Variants in GULP1 observed in about 807,000 individuals in gnomAD.
GULP1 encodes the protein PTB domain-containing engulfment adapter protein 1.
Under a neutral mutation model 40.9 loss-of-function variants are expected in GULP1, and 19 were observed. The ratio of observed to expected loss-of-function variants is 0.46; its 90% confidence interval spans 0.32 to 0.68. The LOEUF (loss-of-function observed/expected upper bound fraction) is 0.68. Ranked by LOEUF, GULP1 falls within the 30% of genes least tolerant of loss-of-function variation. The probability of loss-of-function intolerance (pLI) is 0.03; values close to 1 mark genes in which losing one functional copy is unlikely to be tolerated. For synonymous variants in GULP1, 119 were observed against 117.6 expected (o/e 1.01, Z -0.08); for missense variants, 312 against 362.2 (o/e 0.86, Z 1.12).
chr2:188,379,913 A>G (rs2048797133), intron 1 of GULP1, among the ~76,000 whole-genome samples: 1 of 152,126 alleles, frequency 6.6e-6, no homozygotes, highest in African/African-American at 2.4e-5. Context: ...TGTGAACTGA[A>G]GGTTAATGAG....
intron 1 of GULP1, among the ~76,000 whole-genome samples, chr2:188,339,659 G>A (rs1332966949): frequency 6.6e-6 from 1 of 152,142 alleles, no homozygotes; most frequent in Non-Finnish European, 1.5e-5. Context: ...AATTAAACCT[G>A]TTAAACTAAG....
chr2:188,491,970 T>G (rs2062434426), intron 4 of GULP1, among the ~76,000 whole-genome samples: 1 of 152,056 alleles, frequency 6.6e-6, no homozygotes, highest in Non-Finnish European at 1.5e-5. Context: ...TTTTTTTCCT[T>G]TTTGCTAGAA....
intron 4 of GULP1, among the ~76,000 whole-genome samples, chr2:188,519,694 A>T (rs1389595920): frequency 1.3e-5 from 2 of 152,256 alleles, no homozygotes; most frequent in East Asian, 3.8e-4. Flanking sequence ...ACCTGGTGGC[A>T]CATTAATATC....
chr2:188,428,962 T>C (rs1218630438), intron 2 of GULP1, among the ~76,000 whole-genome samples: 2 of 152,062 alleles, frequency 1.3e-5, no homozygotes, highest in Non-Finnish European at 2.9e-5. Flanking sequence ...ACTGCCTAGC[T>C]CTGATGATGA....
intron 2 of GULP1, among the ~76,000 whole-genome samples, chr2:188,435,417 C>T (rs763656596): frequency 1.2e-4 from 18 of 152,030 alleles, no homozygotes; most frequent in Non-Finnish European, 2.5e-4. Context: ...GATGCCGCTA[C>T]CATGAGTGTC....
intron 2 of GULP1, among the ~76,000 whole-genome samples, chr2:188,452,827 A>G (rs1328105808): frequency 6.6e-6 from 1 of 152,216 alleles, no homozygotes; most frequent in Non-Finnish European, 1.5e-5. Context: ...TATTAATACA[A>G]TAATAGGGTA....
At chr2:188,459,737 G>A (rs73040476) in intron 2 of GULP1, among the ~76,000 whole-genome samples, 3,124 of 152,152 alleles carry the variant, frequency 0.021, 98 homozygotes, top group African/African-American at 0.071. Context: ...TGTCCTGGAT[G>A]TTTTCCCTAA....
intron 4 of GULP1, among the ~76,000 whole-genome samples, chr2:188,495,460 C>T (rs1446483942): frequency 6.6e-6 from 1 of 151,936 alleles, no homozygotes; most frequent in Admixed American, 6.6e-5. Context: ...AAAATTAGTC[C>T]CATGTTCTTC....
intron 1 of GULP1, among the ~76,000 whole-genome samples, chr2:188,363,323 T>A (rs1246854559): frequency 1.3e-5 from 2 of 151,426 alleles, no homozygotes; most frequent in Non-Finnish European, 3.0e-5. Context: ...ATGCAATAAT[T>A]TGTAGCCCTT....
chr2:188,552,346 A>G (rs549577226), intron 7 of GULP1, among the ~76,000 whole-genome samples: 2 of 151,900 alleles, frequency 1.3e-5, no homozygotes, highest in South Asian at 2.1e-4. Flanking sequence ...ATTTTTATAT[A>G]TGGTGATAGG....
At chr2:188,571,098 A>G (rs1184090269) in intron 9 of GULP1, among the ~76,000 whole-genome samples, 1 of 152,164 alleles carries the variant, frequency 6.6e-6, no homozygotes, top group Non-Finnish European at 1.5e-5. Flanking sequence ...TCATGGCTGC[A>G]GTGATCCATG....
At chr2:188,356,982 A>G (rs931954445) in intron 1 of GULP1, among the ~76,000 whole-genome samples, 1 of 152,142 alleles carries the variant, frequency 6.6e-6, no homozygotes, top group Non-Finnish European at 1.5e-5. Context: ...TCAATAAATC[A>G]TGCTGGGAAA....
intron 1 of GULP1, among the ~76,000 whole-genome samples, chr2:188,296,404 A>G (rs1302070964): frequency 6.6e-6 from 1 of 152,102 alleles, no homozygotes; most frequent in African/African-American, 2.4e-5. Context: ...TTTTATGCCT[A>G]AGAAATGTTT....
At chr2:188,460,287 T>A (rs1471763298) in intron 2 of GULP1, among the ~76,000 whole-genome samples, 1 of 152,160 alleles carries the variant, frequency 6.6e-6, no homozygotes, top group Admixed American at 6.5e-5. Flanking sequence ...ACATGGAATA[T>A]CTTTGCATTT....
chr2:188,484,209 A>G (rs1277476719), intron 4 of GULP1, among the ~76,000 whole-genome samples: 1 of 152,182 alleles, frequency 6.6e-6, no homozygotes, highest in African/African-American at 2.4e-5. Context: ...TGCCCAGCCT[A>G]AATTATTTTT....
intron 2 of GULP1, among the ~76,000 whole-genome samples, chr2:188,467,508 T>A (rs2060224478): frequency 6.6e-6 from 1 of 152,148 alleles, no homozygotes; most frequent in Non-Finnish European, 1.5e-5. Flanking sequence ...ATTTATTTAG[T>A]ATATTTATTT....
intron 1 of GULP1, among the ~76,000 whole-genome samples, chr2:188,355,163 A>G (rs1376932660): frequency 4.6e-5 from 7 of 152,116 alleles, no homozygotes. Flanking sequence ...ACCAAACCCA[A>G]AATTAGAAAG....
intron 2 of GULP1, among the ~76,000 whole-genome samples, chr2:188,423,877 C>G (rs1361000013): frequency 6.6e-6 from 1 of 151,590 alleles, no homozygotes; most frequent in African/African-American, 2.4e-5. Context: ...AATTATTTCA[C>G]ACTTCTATAA....
chr2:188,530,571 C>T (rs1338145934), intron 6 of GULP1, among the ~76,000 whole-genome samples: 1 of 151,932 alleles, frequency 6.6e-6, no homozygotes, highest in Non-Finnish European at 1.5e-5. Context: ...AGTATTCTTA[C>T]AAAAAGAGGA....
Sources: allele counts gnomAD v4.1 joint callset (sites outside exome capture counted in the v4.1 genomes callset), GRCh38; gene constraint gnomAD v4.1.1; transcripts MANE v1.5; gene names NCBI Gene and HGNC (gene_info 2026-07-23, HGNC 2026-07-21).